Variants in PKIA observed in about 807,000 individuals in gnomAD.
PKIA encodes the protein PKI-alpha.
In PKIA, 4 loss-of-function variants were observed where a neutral mutation model predicts 7.6. That is an observed-to-expected ratio of 0.52 (90% CI 0.26 to 1.20). The LOEUF is 1.20. Ranked by LOEUF, PKIA falls within the 50% of genes most tolerant of loss-of-function variation. The pLI is 0.13. For synonymous variants in PKIA, 21 were observed against 30.7 expected, an observed-to-expected ratio of 0.68 and a Z score of 1.04; for missense variants, 73 against 86.2, an observed-to-expected ratio of 0.85 and a Z score of 0.61.
chr8:78,522,862 T>A (rs1563565048), intron 1 of PKIA, among the ~76,000 whole-genome samples: 2 of 152,028 alleles, frequency 1.3e-5, no homozygotes, highest in African/African-American at 4.8e-5. Flanking sequence ...GTAAATCTTT[T>A]ATTTTTTTTT....
At position 78,528,657 on chromosome 8, in the gene PKIA, C is replaced by A. The variant is rs199924163; in HGVS notation, c.-157+12189C>A. ...TGGCCAACATAGTGAGACCCTGTCTCTAAAAAAAAAAAAAAAAAAAATTAC... is the reference window on the plus strand; with the variant it reads ...TGGCCAACATAGTGAGACCCTGTCTATAAAAAAAAAAAAAAAAAAAATTAC... On this transcript the variant is annotated intron_variant, in intron 1 of 3. Coordinates refer to ENST00000396418, the MANE Select transcript of PKIA (RefSeq NM_006823.4). 6.8e-4 allele frequency among the ~76,000 whole-genome samples: 92 copies of A among 134,818 alleles called. No homozygotes were observed. In the East Asian group the frequency reaches 0.018, roughly 26 times the overall value. 88.4% of individuals were successfully genotyped at this position (134,818 alleles called of 152,430 possible).
At position 78,528,151 on chromosome 8, in the gene PKIA, C is replaced by T. The variant is rs542189340; in HGVS notation, c.-157+11683C>T. Among the ~76,000 whole-genome samples, 8 of 152,156 alleles carry T rather than the reference C, an allele frequency of 5.3e-5. No individual in the cohort carries two copies. In the East Asian group the frequency reaches 1.4e-3, roughly 26 times the overall value. Reference sequence around the variant, plus strand: ...GCAGTTAAATAGCCCCAAGGTAGGACATAGGCGAAAAATACTAAAATTTGT... The same window carrying T: ...GCAGTTAAATAGCCCCAAGGTAGGATATAGGCGAAAAATACTAAAATTTGT... On this transcript the variant is annotated intron_variant, in intron 1 of 3. Coordinates refer to ENST00000396418, the MANE Select transcript of PKIA (RefSeq NM_006823.4).
At chr8:78,548,722 T>C (rs967928675) in intron 1 of PKIA, among the ~76,000 whole-genome samples, 1 of 152,086 alleles carries the variant, frequency 6.6e-6, no homozygotes, top group Admixed American at 6.6e-5. Flanking sequence ...TCCCTCCTTT[T>C]GCTGAAAATC....
Position 78,601,530 on chromosome 8 carries a change from G to A in PKIA, c.152-212G>A, listed in dbSNP as rs144116770. On this transcript the variant is annotated intron_variant, in intron 3 of 3. Coordinates refer to ENST00000396418, the MANE Select transcript of PKIA (RefSeq NM_006823.4). ...TTGAATATTATTTTGTTTTTGAGCC[G>A]TGCTGTCCCAAGTTCACAGAATTAA... Among the ~76,000 whole-genome samples, 581 of 152,010 alleles carry A rather than the reference G, an allele frequency of 3.8e-3. 1 individual carries two copies. The highest frequency in any genetic ancestry group is 0.013 in the African/African-American group (556 of 41,500).
chr8:78,575,179 T>C (rs567327279), intron 2 of PKIA, among the ~76,000 whole-genome samples: 2 of 152,044 alleles, frequency 1.3e-5, no homozygotes, highest in South Asian at 4.1e-4. Context: ...TTATGAAACA[T>C]AATAAAAATA....
At chr8:78,559,926 T>C (rs1160870463) in intron 1 of PKIA, among the ~76,000 whole-genome samples, 1 of 152,208 alleles carries the variant, frequency 6.6e-6, no homozygotes, top group Non-Finnish European at 1.5e-5. Flanking sequence ...TGACTCTACA[T>C]TCTCCATAGG....
chr8:78,591,460 A>G (rs1324742912), intron 2 of PKIA, among the ~76,000 whole-genome samples: 1 of 152,194 alleles, frequency 6.6e-6, no homozygotes, highest in African/African-American at 2.4e-5. Flanking sequence ...TCCATTATAT[A>G]AAGAATTTGT....
In PKIA at chr8:78,603,860, C is replaced by T. The variant is rs188242683; in HGVS notation, c.*2039C>T. On this transcript the variant is annotated 3_prime_UTR_variant, in exon 4 of 4. Coordinates refer to ENST00000396418, the MANE Select transcript of PKIA (RefSeq NM_006823.4). ...TGAGTCTATGTGGAGGGTTTATATT[C>T]CTATGTGATATACTGTTATTAATGC... is the stretch of plus-strand genomic sequence containing the variant. 9.2e-5 allele frequency: 14 copies of T among 152,010 alleles called. No homozygotes were observed. Among genetic ancestry groups the T allele is most frequent in the African/African-American group, 3.4e-4 (14 of 41,502 alleles). 9.4% of individuals were successfully genotyped at this position (152,010 alleles called of 1,614,324 possible).
chr8:78,554,680 G>T (rs1201170808), intron 1 of PKIA, among the ~76,000 whole-genome samples: 1 of 151,878 alleles, frequency 6.6e-6, no homozygotes. Context: ...TTGTAACAAA[G>T]GATTTCACCA....
At chr8:78,526,562 A>G (rs931903020) in intron 1 of PKIA, among the ~76,000 whole-genome samples, 1 of 152,092 alleles carries the variant, frequency 6.6e-6, no homozygotes, top group Non-Finnish European at 1.5e-5. Context: ...ATATGCAACT[A>G]TTGGAGAAGT....
intron 1 of PKIA, among the ~76,000 whole-genome samples, chr8:78,551,580 G>T (rs1037819326): frequency 6.6e-6 from 1 of 151,808 alleles, no homozygotes; most frequent in African/African-American, 2.4e-5. Context: ...CCCCAAGAAA[G>T]GATCATCCAC....
Position 78,598,616 on chromosome 8 carries a change from C to T in PKIA, c.151+81C>T, listed in dbSNP as rs185224990. ...CTAAGAGGGATTAAGGCACGAAAAG[C>T]CATCTTTGAAAGTAATCTAATGTAA... On this transcript the variant is annotated intron_variant, in intron 3 of 3. Transcript: ENST00000396418. The T allele has an allele frequency of 8.0e-6, 9 of 1,118,116 alleles. No individual in the cohort carries two copies. In the African/African-American group the frequency reaches 1.2e-4, roughly 15 times the overall value. 69.3% of individuals were successfully genotyped at this position (1,118,116 alleles called of 1,614,324 possible). A position where few individuals can be genotyped will look rare whatever the true frequency, so the allele number is the denominator to read the frequency against.
In PKIA at chr8:78,604,917, T is replaced by C. The variant is rs761611127; in HGVS notation, c.*3096T>C. 8 of 152,040 alleles carry C rather than the reference T, an allele frequency of 5.3e-5. No homozygotes were observed. The highest frequency in any genetic ancestry group is 1.0e-4 in the Non-Finnish European group (7 of 67,966). 9.4% of individuals were successfully genotyped at this position (152,040 alleles called of 1,614,324 possible). ...CCAGAACAGCCAATGGTAAATGCCC[T>C]ATACTTGAGTCTTACTTAGATGCTG... On this transcript the variant is annotated 3_prime_UTR_variant, in exon 4 of 4. Coordinates refer to ENST00000396418, the MANE Select transcript of PKIA (RefSeq NM_006823.4).
In PKIA at chr8:78,605,086, T is replaced by C. The variant is rs1029999818; in HGVS notation, c.*3265T>C. 1 of 151,944 alleles carries C rather than the reference T, an allele frequency of 6.6e-6. No individual in the cohort carries two copies. Among genetic ancestry groups the C allele is most frequent in the Non-Finnish European group, 1.5e-5 (1 of 67,924 alleles). 9.4% of individuals were successfully genotyped at this position (151,944 alleles called of 1,614,324 possible). A position where few individuals can be genotyped will look rare whatever the true frequency, so the allele number is the denominator to read the frequency against. On this transcript the variant is annotated 3_prime_UTR_variant, in exon 4 of 4. Coordinates refer to ENST00000396418, the MANE Select transcript of PKIA (RefSeq NM_006823.4). ...GTAGTAGTAGGGAGAAAATGTGTAG[T>C]CATCAAGTGAAAATAGGAAAGGATC...
At chr8:78,536,799 A>C (rs1806534418) in intron 1 of PKIA, among the ~76,000 whole-genome samples, 2 of 151,648 alleles carry the variant, frequency 1.3e-5, no homozygotes, top group South Asian at 4.2e-4. Flanking sequence ...TTACAACTCT[A>C]CTGTAGAAAG....
At chr8:78,522,081 A>T (rs1809426851) in intron 1 of PKIA, among the ~76,000 whole-genome samples, 1 of 151,988 alleles carries the variant, frequency 6.6e-6, no homozygotes, top group Admixed American at 6.6e-5. Context: ...TTTAAGGCTG[A>T]ATACTATTTC....
intron 1 of PKIA, among the ~76,000 whole-genome samples, chr8:78,560,270 A>G (rs1323160337): frequency 6.6e-6 from 1 of 152,218 alleles, no homozygotes; most frequent in Non-Finnish European, 1.5e-5. Flanking sequence ...AAACTGATTT[A>G]TTTTCATTCT....
intron 2 of PKIA, among the ~76,000 whole-genome samples, chr8:78,593,977 G>A (rs1029631332): frequency 1.1e-4 from 17 of 152,118 alleles, no homozygotes; most frequent in African/African-American, 4.1e-4. Context: ...CTTCCTCATT[G>A]GTCAGTTCTA....
intron 2 of PKIA, among the ~76,000 whole-genome samples, chr8:78,595,238 G>A (rs954452624): frequency 1.3e-5 from 2 of 152,244 alleles, no homozygotes; most frequent in African/African-American, 2.4e-5. Context: ...TAAAGTAGTG[G>A]GTAACTGATT....
Sources: gnomAD v4.1 joint callset for allele counts (sites outside exome capture counted in the v4.1 genomes callset) on GRCh38, gnomAD v4.1.1 for gene constraint, MANE v1.5 for transcripts, NCBI Gene and HGNC (gene_info 2026-07-23, HGNC 2026-07-21) for gene names.